The following NSD3 variants were observed in gnomAD, a reference collection of about 807,000 sequenced individuals.
NSD3 encodes nuclear receptor binding SET domain protein 3.
A neutral mutation model predicts 160.8 loss-of-function variants in NSD3; 24 were observed. That is an observed-to-expected ratio of 0.15 (90% CI 0.11 to 0.21). The LOEUF (loss-of-function observed/expected upper bound fraction) is 0.21. Among genes scored for constraint, NSD3 ranks in the 10% least tolerant of loss-of-function variants. NSD3 has a pLI of 1.00. For missense variants in NSD3, 1,157 were observed against 1,735.9 expected (o/e 0.67, Z 5.93); for synonymous variants, 520 against 600.0 (o/e 0.87, Z 1.95).
Position 38,304,774 on chromosome 8 carries a change from CA to C in NSD3, c.2441-18del. On this transcript the variant is annotated intron_variant, in intron 13 of 23. Transcript: ENST00000317025. ...TCATGCGGCCTGTTTAAAGACAAGT[CA>C]AAAAGGAATCTAATAAGGCATCAGC... 6.3e-7 allele frequency: 1 copy of C among 1,576,938 alleles called. No homozygotes were observed.
intron 14 of NSD3, among the ~76,000 whole-genome samples, chr8:38,301,873 T>C (rs1203558597): frequency 6.6e-6 from 1 of 152,160 alleles, no homozygotes; most frequent in Non-Finnish European, 1.5e-5. Context: ...ACTGTTAAAA[T>C]GAAAAGAAAA....
intron 12 of NSD3, among the ~76,000 whole-genome samples, chr8:38,307,109 C>T (rs1487585950): frequency 7.5e-6 from 1 of 132,722 alleles, no homozygotes; most frequent in African/African-American, 2.8e-5. Context: ...AGCGAGATAC[C>T]GTCTCAAAAA....
At chr8:38,292,426 C>G (rs1809018469) in intron 16 of NSD3, among the ~76,000 whole-genome samples, 2 of 151,710 alleles carry the variant, frequency 1.3e-5, no homozygotes, top group South Asian at 4.2e-4. Context: ...GCGGGCAGAT[C>G]ACTTGAAGTC....
rs1029281905 is a variant in NSD3, at chr8:38,380,828, T to C, written c.-45+971A>G. ...TGTCGGAGAGGAAAAGGAATTTATT[T>C]ACACTGCAGTGCCTTGGCAGCAAAC... is the stretch of plus-strand genomic sequence containing the variant. On this transcript the variant is annotated intron_variant, in intron 1 of 23. Transcript: ENST00000317025. 6 of 152,306 alleles carry C rather than the reference T, an allele frequency of 3.9e-5. 1 individual carries two copies. In the South Asian group the frequency reaches 1.0e-3, roughly 26 times the overall value. The allele number at this position is 152,306 out of a possible 1,614,324, so 9.4% of individuals were successfully genotyped here.
At chr8:38,361,729 T>C (rs1456330649) in intron 1 of NSD3, among the ~76,000 whole-genome samples, 75 of 117,994 alleles carry the variant, frequency 6.4e-4, no homozygotes, top group African/African-American at 2.4e-3. Context: ...CGCTCCAGCC[T>C]GGGCTACAGA....
chr8:38,337,455 G>A lies in NSD3; in HGVS notation c.760C>T (p.Leu254=), dbSNP rs779408114. Residue 254 remains leucine, a synonymous_variant, in exon 4 of 24, where the codon CTA becomes TTA. Transcript: ENST00000317025. ...LKEEAPVQPI[L]SSVPTTEVST... is the part of the protein sequence containing the mutation. ...ACTTCCGTTGTTGGAACAGAAGATAGTATTGGCTGAACCTACAGGAAAGGG... is the reference window on the plus strand; with the variant it reads ...ACTTCCGTTGTTGGAACAGAAGATAATATTGGCTGAACCTACAGGAAAGGG... The A allele has an allele frequency of 4.5e-5, 71 of 1,592,466 alleles. No individual in the cohort carries two copies. In the East Asian group the frequency reaches 4.6e-4, roughly 10 times the overall value.
At chr8:38,342,217 A>G (rs1357932153) in intron 2 of NSD3, among the ~76,000 whole-genome samples, 3 of 152,224 alleles carry the variant, frequency 2.0e-5, no homozygotes, top group Non-Finnish European at 4.4e-5. Context: ...GGATGCTGCA[A>G]TAATAGAGAG....
In NSD3 at chr8:38,289,524, A is replaced by G. The variant is rs1419933423; in HGVS notation, c.3119-19T>C. On this transcript the variant is annotated intron_variant, in intron 17 of 23. Transcript: ENST00000317025. ...TCCAGTGCTGCCAATAAGATGATAC[A>G]AAGTATGTAAATACCAAAAACCAAA... 2.5e-6 allele frequency: 4 copies of G among 1,604,772 alleles called. No homozygotes were observed. The highest frequency in any genetic ancestry group is 3.4e-6 in the Non-Finnish European group (4 of 1,176,202).
intron 12 of NSD3, among the ~76,000 whole-genome samples, chr8:38,308,834 C>G (rs893600482): frequency 1.3e-5 from 2 of 151,604 alleles, no homozygotes; most frequent in African/African-American, 2.4e-5. Flanking sequence ...ATAAAATAAG[C>G]CTTCATTTAT....
At chr8:38,308,291 T>C (rs1339530344) in intron 12 of NSD3, among the ~76,000 whole-genome samples, 1 of 152,164 alleles carries the variant, frequency 6.6e-6, no homozygotes, top group African/African-American at 2.4e-5. Flanking sequence ...AGAAATAAAG[T>C]ACAGTAAGGT....
In NSD3 at chr8:38,316,285, T is replaced by C. The variant is rs1028503743; in HGVS notation, c.1856-243A>G. 13 of 957,968 alleles carry C rather than the reference T, an allele frequency of 1.4e-5. No individual in the cohort carries two copies. The highest frequency in any genetic ancestry group is 1.5e-5 in the Non-Finnish European group (11 of 739,662). The allele number at this position is 957,968 out of a possible 1,614,324, so 59.3% of individuals were successfully genotyped here. A position where few individuals can be genotyped will look rare whatever the true frequency, so the allele number is the denominator to read the frequency against. On this transcript the variant is annotated intron_variant, in intron 9 of 23. Coordinates refer to ENST00000317025, the MANE Select transcript of NSD3 (RefSeq NM_023034.2). This position sits in a 1 kb window ranked among gnomAD's most constrained non-coding sequence, Gnocchi z 4.5. ...ATTCAGTTCTCCTCTCTAAAGCTAT[T>C]TTCAGTCAACAGAGCCCACGTTCCA...
At chr8:38,365,180 C>T (rs1811076085) in intron 1 of NSD3, among the ~76,000 whole-genome samples, 1 of 152,130 alleles carries the variant, frequency 6.6e-6, no homozygotes, top group Non-Finnish European at 1.5e-5. Context: ...TTAAACTAAC[C>T]AGCTTGAATC....
In NSD3 at chr8:38,281,881, CTATAT is replaced by C. The variant is rs568679175; in HGVS notation, c.3502-303_3502-299del. Reference sequence around the variant, plus strand: ...ATAAAGCTAACTCTAGCCTTTGAAGCTATATTATAACAGAATTTTACTAGTTGGTG... The same window carrying C: ...ATAAAGCTAACTCTAGCCTTTGAAGCTATAACAGAATTTTACTAGTTGGTG... On this transcript the variant is annotated intron_variant, in intron 19 of 23. Coordinates refer to ENST00000317025, the MANE Select transcript of NSD3 (RefSeq NM_023034.2). Among the ~76,000 whole-genome samples the C allele has an allele frequency of 6.6e-5, 10 of 152,260 alleles. 1 individual carries two copies. In the South Asian group the frequency reaches 2.1e-3, roughly 32 times the overall value.
chr8:38,275,115 A>T lies in NSD3; in HGVS notation c.*526T>A, dbSNP rs757896677. On this transcript the variant is annotated 3_prime_UTR_variant, in exon 24 of 24. Coordinates refer to ENST00000317025, the MANE Select transcript of NSD3 (RefSeq NM_023034.2). ...AAGGGAAAGAGAAGTGAGCCTACCT[A>T]CTGCTCAGTAAAGAGGTATATAAAG... The T allele has an allele frequency of 5.0e-4, 116 of 233,462 alleles. No individual in the cohort carries two copies. The highest frequency in any genetic ancestry group is 7.7e-4 in the Non-Finnish European group (91 of 118,402). The allele number at this position is 233,462 out of a possible 1,614,324, so 14.5% of individuals were successfully genotyped here. A position where few individuals can be genotyped will look rare whatever the true frequency, so the allele number is the denominator to read the frequency against.
chr8:38,286,022 G>A (rs10109023), intron 19 of NSD3, among the ~76,000 whole-genome samples: 6 of 152,024 alleles, frequency 3.9e-5, no homozygotes, highest in South Asian at 2.1e-4. Flanking sequence ...AGGTGGCCCC[G>A]GTGATGCCTG....
At chr8:38,290,868 C>A in intron 16 of NSD3, 191 bp from the exon 17 acceptor site, 1 of 500,002 alleles carries the variant, frequency 2.0e-6, no homozygotes, top group East Asian at 3.2e-5. Flanking sequence ...CAAATTAGGC[C>A]CTAAACACCT....
chr8:38,325,767 G>A (rs1809893508), intron 7 of NSD3, among the ~76,000 whole-genome samples: 1 of 152,000 alleles, frequency 6.6e-6, no homozygotes, highest in African/African-American at 2.4e-5. Context: ...TGAGGTGAGA[G>A]GATCACCTGA....
At chr8:38,278,213 C>A in intron 22 of NSD3, 93 bp downstream of exon 22, 1 of 1,084,300 alleles carries the variant, frequency 9.2e-7, no homozygotes, top group Non-Finnish European at 1.3e-6. Context: ...GCTGGGATTA[C>A]AGGCATGAGC....
In NSD3 at chr8:38,316,937, C is replaced by T. The variant is rs1809680908; in HGVS notation, c.1856-895G>A. On this transcript the variant is annotated intron_variant, in intron 9 of 23. Transcript: ENST00000317025. The surrounding 1 kb of genome is among the most constrained non-coding windows in gnomAD (Gnocchi z 4.5). ...AACAGCCACGATGAAATGTGCAGAT[C>T]AGGCACGGTGAATACCAAGGAACCA... The T allele has an allele frequency of 1.9e-6, 2 of 1,061,812 alleles. No homozygotes were observed. The highest frequency in any genetic ancestry group is 2.3e-6 in the Non-Finnish European group (2 of 877,032). The allele number at this position is 1,061,812 out of a possible 1,614,324, so 65.8% of individuals were successfully genotyped here. A position where few individuals can be genotyped will look rare whatever the true frequency, so the allele number is the denominator to read the frequency against.
Sources: gnomAD v4.1 joint callset for allele counts (sites outside exome capture counted in the v4.1 genomes callset) on GRCh38, gnomAD v4.1.1 for gene constraint, Gnocchi (gnomAD v3.1) non-coding constraint, MANE v1.5 for transcripts, NCBI Gene and HGNC (gene_info 2026-07-23, HGNC 2026-07-21) for gene names.